The following SIPA1 variants were observed in gnomAD, a reference collection of about 807,000 sequenced individuals.
SIPA1 encodes the protein signal-induced proliferation-associated protein 1.
In SIPA1, 51 loss-of-function variants were observed where a neutral mutation model predicts 88.1. The observed-to-expected ratio is 0.58, with a 90% confidence interval of 0.46 to 0.73. The LOEUF (loss-of-function observed/expected upper bound fraction) is 0.73, where lower values mean the gene tolerates loss of function less well. Ranked by LOEUF, SIPA1 falls within the 30% of genes least tolerant of loss-of-function variation. SIPA1 has a pLI of 0.00. For synonymous variants in SIPA1, 681 were observed against 664.8 expected, an observed-to-expected ratio of 1.02 and a Z score of -0.37; for missense variants, 1,348 against 1,467.6, an observed-to-expected ratio of 0.92 and a Z score of 1.33.
At position 65,642,755 on chromosome 11, in the gene SIPA1, G is replaced by C. The variant is rs1856033597; in HGVS notation, c.984+116G>C. On this transcript the variant is annotated intron_variant, in intron 4 of 15. Coordinates refer to ENST00000534313, the MANE Select transcript of SIPA1 (RefSeq NM_006747.4). The surrounding 1 kb of genome is among the most constrained non-coding windows in gnomAD (Gnocchi z 6.5). Reference sequence around the variant, plus strand: ...GATCCTGGGCTGGGTGGTGACCCCAGAAGAGCTGGCTTTTCAGAGACAGGG... The same window carrying C: ...GATCCTGGGCTGGGTGGTGACCCCACAAGAGCTGGCTTTTCAGAGACAGGG... The C allele has an allele frequency of 3.9e-6, 4 of 1,018,880 alleles. No homozygotes were observed. The highest frequency in any genetic ancestry group is 5.5e-6 in the Non-Finnish European group (4 of 730,706). 63.1% of individuals were successfully genotyped at this position (1,018,880 alleles called of 1,614,324 possible).
rs1354621060 is a variant in SIPA1 at position 65,642,902 on chromosome 11, T to TTTATTTATTTAC, written c.984+274_984+275insCTTATTTATTTA. Among the ~76,000 whole-genome samples the TTTATTTATTTAC allele has an allele frequency of 1.4e-4, 2 of 14,246 alleles. No homozygotes were observed. The highest frequency in any genetic ancestry group is 2.3e-4 in the Non-Finnish European group (2 of 8,534). 9.3% of individuals were successfully genotyped at this position (14,246 alleles called of 152,430 possible). On this transcript the variant is annotated intron_variant, in intron 4 of 15. Coordinates refer to ENST00000534313, the MANE Select transcript of SIPA1 (RefSeq NM_006747.4). This position sits in a 1 kb window ranked among gnomAD's most constrained non-coding sequence, Gnocchi z 6.5. The stretch of plus-strand genomic sequence containing the variant: ...AGACCATCTGAATCAGAGTTTGCAC[T>TTTATTTATTTAC]TTATTTATTTATTTATTTATTTATT...
At chr11:65,647,199 T>C (rs991183660) in intron 8 of SIPA1, 134 bp downstream of exon 8, 2 of 1,407,728 alleles carry the variant, frequency 1.4e-6, no homozygotes, top group South Asian at 3.1e-5. Flanking sequence ...GCCCCGGGGC[T>C]TGGCAAGGCC....
In SIPA1 at chr11:65,647,867, CCTCT is replaced by C. The variant is rs1223660297; in HGVS notation, c.2306+214_2306+217del. Among the ~76,000 whole-genome samples, 65 of 151,246 alleles carry C rather than the reference CCTCT, an allele frequency of 4.3e-4. 1 individual carries two copies. Among genetic ancestry groups the C allele is most frequent in the South Asian group, 2.8e-3 (13 of 4,716 alleles). The stretch of plus-strand genomic sequence containing the variant: ...CTCTGTCCTTCCTTCCTCTCTCTCT[CCTCT>C]CTCTTTTTTTTTTTTTTGAGACGAA... On this transcript the variant is annotated intron_variant, in intron 9 of 15. Transcript: ENST00000534313.
Position 65,642,472 on chromosome 11 carries a change from C to T in SIPA1, c.817C>T (p.Leu273Phe), listed in dbSNP as rs747447250. Residue 273 changes from leucine to phenylalanine, a missense_variant, in exon 4 of 16, where the codon CTC becomes TTC. Physicochemically the swap from Leu to Phe is conservative, Grantham distance 22 (BLOSUM62 0). This residue lies in a region of SIPA1 where 641 missense variants were observed against 797.7 expected (regional missense o/e 0.80). Coordinates refer to ENST00000534313, the MANE Select transcript of SIPA1 (RefSeq NM_006747.4). This position sits in a 1 kb window ranked among gnomAD's most constrained non-coding sequence, Gnocchi z 6.5. ...TACACCCCTTCCTCAGCTCCGGACACTCCGTGGCACCATCTCGGAGGACGC... is the reference window on the plus strand; with the variant it reads ...TACACCCCTTCCTCAGCTCCGGACATTCCGTGGCACCATCTCGGAGGACGC... ...VIVRTTQLRT[L>F]RGTISEDALP... 1 of 1,611,800 alleles carries T rather than the reference C, an allele frequency of 6.2e-7. No individual in the cohort carries two copies. The highest frequency in any genetic ancestry group is 1.1e-5 in the South Asian group (1 of 90,904).
At position 65,650,499 on chromosome 11, in the gene SIPA1, T is replaced by TG. The variant is rs778559188; in HGVS notation, c.2982+26dup. 3.8e-5 allele frequency: 61 copies of TG among 1,613,846 alleles called. No individual in the cohort carries two copies. The African/African-American group carries it at 6.5e-4, about 17-fold the overall frequency. On this transcript the variant is annotated intron_variant, in intron 15 of 15. Transcript: ENST00000534313. The stretch of plus-strand genomic sequence containing the variant: ...CAGAAGGTGAGGGGTGGGCTGAGCT[T>TG]GGGGGGAGTCACAGGGCTGCCCCAG...
chr11:65,638,929 C>T (rs902614378), intron 1 of SIPA1, among the ~76,000 whole-genome samples: 10 of 152,216 alleles, frequency 6.6e-5, no homozygotes, highest in African/African-American at 2.2e-4. Flanking sequence ...AGACCCCCTC[C>T]CTCATGCCCT....
At chr11:65,648,797 T>C (rs1479186658) in intron 9 of SIPA1, among the ~76,000 whole-genome samples, 3 of 151,616 alleles carry the variant, frequency 2.0e-5, no homozygotes, top group Admixed American at 6.6e-5. Flanking sequence ...GATCGCGCCA[T>C]TGCACTCCAG....
At position 65,649,193 on chromosome 11, in the gene SIPA1, G is replaced by A. The variant is rs553564867; in HGVS notation, c.2307-69G>A. The A allele has an allele frequency of 6.2e-5, 71 of 1,143,524 alleles. No homozygotes were observed. In the South Asian group the frequency reaches 1.1e-3, roughly 17 times the overall value. 70.8% of individuals were successfully genotyped at this position (1,143,524 alleles called of 1,614,324 possible). On this transcript the variant is annotated intron_variant, in intron 9 of 15. Coordinates refer to ENST00000534313, the MANE Select transcript of SIPA1 (RefSeq NM_006747.4). ...TCCTGGAAGTGAGCCTGGCGGGCTG[G>A]GGGTGGGGCTAGTGATGCAGGACGC...
chr11:65,649,758 A>G lies in SIPA1; in HGVS notation c.2639A>G (p.Asp880Gly), dbSNP rs745585837. Reference sequence around the variant, plus strand: ...TCTGTATCCACTTCTGTGGCACAGGACAGGCCAGGCAGTCCCAGTGGCTCT... The same window carrying G: ...TCTGTATCCACTTCTGTGGCACAGGGCAGGCCAGGCAGTCCCAGTGGCTCT... ...SADSETPLTQDRPGSPSGSED... is the reference protein window; with the variant it reads ...SADSETPLTQGRPGSPSGSED... Residue 880 changes from aspartate (D) to glycine (G), a missense_variant and splice_region_variant, in exon 12 of 16, where the codon GAC becomes GGC. By Grantham distance (94) the Asp-to-Gly change is moderately conservative. This residue lies in a region of SIPA1 where 615 missense variants were observed against 559.8 expected (regional missense o/e 1.10). Transcript: ENST00000534313. 6.2e-7 allele frequency: 1 copy of G among 1,614,068 alleles called. No homozygotes were observed. The highest frequency in any genetic ancestry group is 1.6e-4 in the Middle Eastern group (1 of 6,062).
intron 2 of SIPA1, 68 bp downstream of exon 2, chr11:65,641,668 C>T: frequency 7.4e-7 from 1 of 1,352,536 alleles, no homozygotes; most frequent in Non-Finnish European, 1.0e-6. Flanking sequence ...ACCTGCAGTG[C>T]ACACAGTAGG....
chr11:65,646,175 G>C lies in SIPA1; in HGVS notation c.1264-46G>C. 6.2e-7 allele frequency: 1 copy of C among 1,601,020 alleles called. No homozygotes were observed. Among genetic ancestry groups the C allele is most frequent in the Non-Finnish European group, 8.5e-7 (1 of 1,172,324 alleles). ...CTCCTGCCTGAATGAGGAGGGGTTT[G>C]GGGCACAGAAGACCTCATCACGAGC... On this transcript the variant is annotated intron_variant, in intron 6 of 15. Transcript: ENST00000534313. The surrounding 1 kb of genome is among the most constrained non-coding windows in gnomAD (Gnocchi z 7.5).
chr11:65,644,820 C>A, intron 4 of SIPA1, 135 bp from the exon 5 acceptor site: 2 of 845,838 alleles, frequency 2.4e-6, no homozygotes, highest in Non-Finnish European at 3.7e-6. Context: ...CTGTACTCAC[C>A]TGACAGGCAA....
chr11:65,647,316 C>T, intron 8 of SIPA1, 68 bp from the exon 9 acceptor site: 1 of 1,369,728 alleles, frequency 7.3e-7, no homozygotes, highest in Non-Finnish European at 9.4e-7. Context: ...GGACGCAGTC[C>T]AGGGGGCGGG....
chr11:65,650,656 G>A lies in SIPA1; in HGVS notation c.3070G>A (p.Ala1024Thr). Residue 1024 changes from alanine (A) to threonine (T), a missense_variant, in exon 16 of 16, where the codon GCC becomes ACC. Transcript: ENST00000534313. ...GCTGCAGGCGGAGTCTGAGAGTGCA[G>A]CCACACGCCTCCTCCTGGCCTCCAA... ...RRLQAESESA[A>T]TRLLLASKQL... is the part of the protein sequence containing the mutation. The A allele has an allele frequency of 1.3e-6, 2 of 1,574,612 alleles. No homozygotes were observed.
Position 65,646,424 on chromosome 11 carries a change from G to A in SIPA1, c.1422-32G>A, listed in dbSNP as rs774822983. The A allele has an allele frequency of 6.3e-7, 1 of 1,596,606 alleles. No homozygotes were observed. The highest frequency in any genetic ancestry group is 1.7e-5 in the Admixed American group (1 of 59,746). On this transcript the variant is annotated intron_variant, in intron 7 of 15. Coordinates refer to ENST00000534313, the MANE Select transcript of SIPA1 (RefSeq NM_006747.4). The surrounding 1 kb of genome is among the most constrained non-coding windows in gnomAD (Gnocchi z 7.5). Reference sequence around the variant, plus strand: ...AGGTCTCCCGTGGGCATGGAGTCCTGCCGCCCCTCACTAACGCCTCCCTCC... The same window carrying A: ...AGGTCTCCCGTGGGCATGGAGTCCTACCGCCCCTCACTAACGCCTCCCTCC...
rs1173880303 is a variant in SIPA1 at position 65,647,424 on chromosome 11, C to T, written c.2072C>T (p.Pro691Leu). ...RGCETRELAL[P>L]RDGQGRLGFE... ...TGCGAGACCCGCGAGCTGGCGCTGC[C>T]CCGCGACGGTCAAGGCCGCCTGGGC... Residue 691 changes from proline (P) to leucine (L), a missense_variant, in exon 9 of 16, where the codon CCC becomes CTC. Coordinates refer to ENST00000534313, the MANE Select transcript of SIPA1 (RefSeq NM_006747.4). The T allele has an allele frequency of 2.0e-6, 3 of 1,476,268 alleles. No individual in the cohort carries two copies. The highest frequency in any genetic ancestry group is 4.7e-5 in the Admixed American group (2 of 42,172). 91.4% of individuals were successfully genotyped at this position (1,476,268 alleles called of 1,614,324 possible). A position where few individuals can be genotyped will look rare whatever the true frequency, so the allele number is the denominator to read the frequency against.
chr11:65,641,972 A>G (rs1856012859), intron 2 of SIPA1: 6 of 550,406 alleles, frequency 1.1e-5, no homozygotes, highest in Non-Finnish European at 1.6e-5. Context: ...GGGCTCCAGG[A>G]CATAGAAGGG....
At chr11:65,648,685 T>C (rs1479587700) in intron 9 of SIPA1, among the ~76,000 whole-genome samples, 1 of 151,800 alleles carries the variant, frequency 6.6e-6, no homozygotes, top group Admixed American at 6.6e-5. Context: ...ATACAAAAAT[T>C]AGCCAGGTGT....
chr11:65,646,964 G>C lies in SIPA1; in HGVS notation c.1930G>C (p.Glu644Gln), dbSNP rs760142255. The C allele has an allele frequency of 6.5e-7, 1 of 1,539,796 alleles. No homozygotes were observed. The highest frequency in any genetic ancestry group is 1.2e-5 in the South Asian group (1 of 84,234). ...CGACGTGCTGGCCTGGACCTTCTCC[G>C]AGCAGCAGCTGGACCTGTACCACGG... is the stretch of plus-strand genomic sequence containing the variant. Reference protein sequence around the residue: ...CRDVLAWTFSEQQLDLYHGRG... With the variant: ...CRDVLAWTFSQQQLDLYHGRG... Residue 644 changes from glutamate (E) to glutamine (Q), a missense_variant, in exon 8 of 16, where the codon GAG (glutamate) becomes CAG (glutamine). Around this residue, in one of 4 missense-constraint regions of SIPA1, gnomAD observed 615 missense variants for 559.8 expected, o/e 1.10. Transcript: ENST00000534313. The surrounding 1 kb of genome is among the most constrained non-coding windows in gnomAD (Gnocchi z 7.5).
Sources: allele counts gnomAD v4.1 joint callset (sites outside exome capture counted in the v4.1 genomes callset), GRCh38; gene constraint gnomAD v4.1.1; regional missense constraint gnomAD v4.1.1; non-coding constraint Gnocchi (gnomAD v3.1); transcripts MANE v1.5; gene names NCBI Gene and HGNC (gene_info 2026-07-23, HGNC 2026-07-21).